The following MCM6 variants were observed in gnomAD, a reference collection of about 807,000 sequenced individuals.
The protein encoded by MCM6 is DNA replication licensing factor MCM6.
MCM6 carries 46 observed loss-of-function variants against 94.3 expected under a neutral mutation model. The observed-to-expected ratio is 0.49, with a 90% CI of 0.39 to 0.62. The LOEUF (loss-of-function observed/expected upper bound fraction) is 0.62. Among genes scored for constraint, MCM6 ranks in the 20% least tolerant of loss-of-function variants. The pLI is 0.00. For synonymous variants in MCM6, 335 were observed against 351.9 expected (o/e 0.95, Z 0.54); for missense variants, 865 against 1,017.9 (o/e 0.85, Z 2.04).
chr2:135,842,844 G>A (rs1259967923), intron 16 of MCM6, among the ~76,000 whole-genome samples: 1 of 152,148 alleles, frequency 6.6e-6, no homozygotes, highest in Non-Finnish European at 1.5e-5. Context: ...AGGTGAATGA[G>A]GGGACAGGGG....
Position 135,866,131 on chromosome 2 carries a change from C to A in MCM6, c.927+1G>T. 2.5e-6 allele frequency: 4 copies of A among 1,614,020 alleles called. No individual in the cohort carries two copies. The highest frequency in any genetic ancestry group is 3.4e-6 in the Non-Finnish European group (4 of 1,179,986). ...AAACAAAAACCCCCAAAACGACTGA[C>A]CCTTGGGTTGGTTGGCGCAACACAG... is the stretch of plus-strand genomic sequence containing the variant. On this transcript the variant is annotated splice_donor_variant, in intron 6 of 16. Coordinates refer to ENST00000264156, the MANE Select transcript of MCM6 (RefSeq NM_005915.6). LOFTEE classifies it high-confidence loss of function.
chr2:135,845,083 C>T (rs1050957615), intron 15 of MCM6, among the ~76,000 whole-genome samples: 1 of 152,200 alleles, frequency 6.6e-6, no homozygotes, highest in Non-Finnish European at 1.5e-5. Context: ...TGAAATATAA[C>T]AACTTTTCCT....
intron 8 of MCM6, among the ~76,000 whole-genome samples, chr2:135,860,936 T>C (rs972678755): frequency 6.6e-6 from 1 of 152,214 alleles, no homozygotes; most frequent in Non-Finnish European, 1.5e-5. Flanking sequence ...TATCATTATA[T>C]ACAGATTTTA....
rs182626176 is a variant in MCM6, at chr2:135,866,143, T to G, written c.916A>C (p.Thr306Pro). 3 of 1,613,936 alleles carry G rather than the reference T, an allele frequency of 1.9e-6. No homozygotes were observed. Among genetic ancestry groups the G allele is most frequent in the Non-Finnish European group, 2.5e-6 (3 of 1,180,012 alleles). The change falls in exon 6 of 17, where the codon ACC becomes CCC. Residue 306 changes from threonine to proline, a missense_variant. Transcript: ENST00000264156. The part of the protein sequence containing the change: ...LVFLACCVAP[T>P]NPRFGGKELR... ...CCAAAACGACTGACCCTTGGGTTGGTTGGCGCAACACAGCAGGCAAGAAAG... is the reference window on the plus strand; with the variant it reads ...CCAAAACGACTGACCCTTGGGTTGGGTGGCGCAACACAGCAGGCAAGAAAG...
chr2:135,847,832 A>T (rs4988256), intron 14 of MCM6, among the ~76,000 whole-genome samples: 10,036 of 152,240 alleles, frequency 0.066, 612 homozygotes, highest in African/African-American at 0.16. Flanking sequence ...AAAGTGCTGG[A>T]ATTATAGGCG....
chr2:135,840,178 T>C lies in MCM6; in HGVS notation c.*657A>G, dbSNP rs533605224. The C allele has an allele frequency of 2.0e-5, 3 of 150,714 alleles. No homozygotes were observed. Among genetic ancestry groups the C allele is most frequent in the Non-Finnish European group, 3.0e-5 (2 of 67,786 alleles). The allele number at this position is 150,714 out of a possible 1,614,324, so 9.3% of individuals were successfully genotyped here. On this transcript the variant is annotated 3_prime_UTR_variant, in exon 17 of 17. Coordinates refer to ENST00000264156, the MANE Select transcript of MCM6 (RefSeq NM_005915.6). ...CTTAGGACACAGAAGTAAAATAAAT[T>C]ACTAAAGAGTAATTTTAAAAAAGTA... is the stretch of plus-strand genomic sequence containing the variant.
At chr2:135,855,673 T>A (rs1679860198) in intron 11 of MCM6, among the ~76,000 whole-genome samples, 1 of 151,958 alleles carries the variant, frequency 6.6e-6, no homozygotes, top group South Asian at 2.1e-4. Context: ...AATAAATAAA[T>A]AAAAATCCAA....
chr2:135,866,801 T>C, intron 4 of MCM6, 73 bp from the exon 5 acceptor site: 2 of 1,250,884 alleles, frequency 1.6e-6, no homozygotes, highest in Admixed American at 5.0e-5. Flanking sequence ...CTAAATTAAA[T>C]ACCACAAATA....
In MCM6 at chr2:135,876,373, T is replaced by A. The variant is rs188565779; in HGVS notation, c.-8A>T. 1 of 1,600,446 alleles carries A rather than the reference T, an allele frequency of 6.2e-7. No homozygotes were observed. The highest frequency in any genetic ancestry group is 8.5e-7 in the Non-Finnish European group (1 of 1,176,784). ...TGCCGCCGCGAGGTCCATATTTGCTTAGTGCCGAGGATTCGCCTGCGCCAC... is the reference window on the plus strand; with the variant it reads ...TGCCGCCGCGAGGTCCATATTTGCTAAGTGCCGAGGATTCGCCTGCGCCAC... On this transcript the variant is annotated 5_prime_UTR_variant, in exon 1 of 17. Transcript: ENST00000264156.
At chr2:135,847,320 GAGA>G (rs1458325564) in intron 14 of MCM6, among the ~76,000 whole-genome samples, 1 of 152,148 alleles carries the variant, frequency 6.6e-6, no homozygotes, top group Non-Finnish European at 1.5e-5. Flanking sequence ...AGAGGATAGG[GAGA>G]AGGACTGCTT....
At chr2:135,876,028 G>A (rs1478442737) in intron 1 of MCM6, among the ~76,000 whole-genome samples, 4 of 152,216 alleles carry the variant, frequency 2.6e-5, no homozygotes, top group African/African-American at 9.6e-5. Context: ...GCTGAGCACT[G>A]GGCACGAGCG....
At chr2:135,858,870 T>G (rs192305399) in intron 9 of MCM6, among the ~76,000 whole-genome samples, 27 of 147,548 alleles carry the variant, frequency 1.8e-4, no homozygotes, top group Admixed American at 1.8e-3. Context: ...TATGAATTAT[T>G]TACTAAAGAA....
At position 135,865,657 on chromosome 2, in the gene MCM6, A is replaced by C. The variant is rs968299280; in HGVS notation, c.927+475T>G. On this transcript the variant is annotated intron_variant, in intron 6 of 16. Transcript: ENST00000264156. The stretch of plus-strand genomic sequence containing the variant: ...ACTATGAAACTTTAAAACAAAAAAC[A>C]GCGTGGATAATTTGTACCACTGCAC... 5.3e-5 allele frequency among the ~76,000 whole-genome samples: 8 copies of C among 152,250 alleles called. No homozygotes were observed. In the South Asian group the frequency reaches 1.5e-3, roughly 28 times the overall value.
intron 1 of MCM6, among the ~76,000 whole-genome samples, chr2:135,874,749 A>C (rs1377746969): frequency 6.6e-6 from 1 of 151,588 alleles, no homozygotes; most frequent in African/African-American, 2.4e-5. Flanking sequence ...TAAACATTCC[A>C]AATCTGAAAA....
At chr2:135,876,219 C>T in intron 1 of MCM6, 40 bp downstream of exon 1, 1 of 1,521,052 alleles carries the variant, frequency 6.6e-7, no homozygotes. Context: ...ACGCCGCAGG[C>T]TCCGGAGGCG....
At chr2:135,862,104 A>C (rs1033772510) in intron 8 of MCM6, among the ~76,000 whole-genome samples, 3 of 152,168 alleles carry the variant, frequency 2.0e-5, no homozygotes, top group Non-Finnish European at 2.9e-5. Context: ...ATGATTTTGT[A>C]AGCTATAGTA....
In MCM6 at chr2:135,843,946, G is replaced by C. The variant is rs4988273; in HGVS notation, c.2349+599C>G. Among the ~76,000 whole-genome samples the C allele has an allele frequency of 1.5e-3, 232 of 152,140 alleles. 1 individual carries two copies. The highest frequency in any genetic ancestry group is 5.2e-3 in the African/African-American group (215 of 41,518). On this transcript the variant is annotated intron_variant, in intron 16 of 16. Transcript: ENST00000264156. ...GAAGGTATGTGATGGGCCTGTGAGA[G>C]AGTGAGGCAAAGAACTGACCCGGGA...
At chr2:135,867,809 G>T (rs1039877616) in intron 4 of MCM6, among the ~76,000 whole-genome samples, 8 of 152,212 alleles carry the variant, frequency 5.3e-5, no homozygotes, top group African/African-American at 1.9e-4. Flanking sequence ...GGCGGATCAC[G>T]AAGTCAGGAG....
chr2:135,868,469 G>T, intron 4 of MCM6, 142 bp downstream of exon 4: 1 of 773,894 alleles, frequency 1.3e-6, no homozygotes. Context: ...AACAGTTTTG[G>T]GCTTAACTTT....
Sources: allele counts gnomAD v4.1 joint callset (sites outside exome capture counted in the v4.1 genomes callset), GRCh38; gene constraint gnomAD v4.1.1; transcripts MANE v1.5; gene names NCBI Gene and HGNC (gene_info 2026-07-23, HGNC 2026-07-21).